Variants in TRPV3 observed in about 807,000 individuals in gnomAD.
The protein encoded by TRPV3 is VRL-3.
Under a neutral mutation model 87.1 loss-of-function variants are expected in TRPV3, and 88 were observed. The ratio of observed to expected loss-of-function variants is 1.01; its 90% confidence interval spans 0.85 to 1.21. TRPV3 has a LOEUF of 1.21. TRPV3 is among the 50% of genes most tolerant of loss of function. The pLI is 0.00. For missense variants in TRPV3, 1,054 were observed against 1,030.1 expected (o/e 1.02, Z -0.32); for synonymous variants, 438 against 423.3 (o/e 1.03, Z -0.43).
At chr17:3,522,303 G>A (rs1018325280) in intron 13 of TRPV3, among the ~76,000 whole-genome samples, 1 of 152,124 alleles carries the variant, frequency 6.6e-6, no homozygotes, top group Non-Finnish European at 1.5e-5. Flanking sequence ...TTGGCCCTGA[G>A]AGGAGAACAG....
At chr17:3,520,442 C>G (rs2074236013) in intron 14 of TRPV3, among the ~76,000 whole-genome samples, 1 of 152,184 alleles carries the variant, frequency 6.6e-6, no homozygotes, top group South Asian at 2.1e-4. Context: ...TTTCTGTGGA[C>G]TTTAGTTTCC....
rs952624810 is a variant in TRPV3 at position 3,544,560 on chromosome 17, G to C, written c.311+19C>G. On this transcript the variant is annotated intron_variant, in intron 4 of 17. Coordinates refer to ENST00000576742, the MANE Select transcript of TRPV3 (RefSeq NM_145068.4). The stretch of plus-strand genomic sequence containing the variant: ...AGCCTGGGTGGGCACAGTGGGTGGA[G>C]GGGGAGGGGCAGACTTACCTGGGGC... The C allele has an allele frequency of 3.9e-6, 6 of 1,535,712 alleles. No homozygotes were observed. In the African/African-American group the frequency reaches 8.2e-5, roughly 21 times the overall value.
At chr17:3,516,604 C>T in intron 15 of TRPV3, 35 bp from the exon 16 acceptor site, 1 of 1,508,038 alleles carries the variant, frequency 6.6e-7, no homozygotes, top group Non-Finnish European at 9.2e-7. Flanking sequence ...AGTAGGCATC[C>T]ACACTCACAA....
In TRPV3 at chr17:3,557,203, C is replaced by T. The variant is rs1035444175; in HGVS notation, c.-3+473G>A. On this transcript the variant is annotated intron_variant, in intron 1 of 17. Transcript: ENST00000576742. This position sits in a 1 kb window ranked among gnomAD's most constrained non-coding sequence, Gnocchi z 4.5. The stretch of plus-strand genomic sequence containing the variant: ...CCTGACACTGATTGAAATGGCCTTT[C>T]CCGGGCGACAGACCAGGCCGCGGAG... 6.6e-6 allele frequency among the ~76,000 whole-genome samples: 1 copy of T among 152,188 alleles called. No homozygotes were observed. Among genetic ancestry groups the T allele is most frequent in the East Asian group, 1.9e-4 (1 of 5,190 alleles).
chr17:3,537,892 T>TAAAA (rs1161250971), intron 6 of TRPV3, among the ~76,000 whole-genome samples: 7 of 101,504 alleles, frequency 6.9e-5, no homozygotes, highest in African/African-American at 4.0e-4. Context: ...TCTGTCTTTT[T>TAAAA]AAAAAAAAAA....
chr17:3,524,018 G>C lies in TRPV3; in HGVS notation c.1743+180C>G, dbSNP rs533582046. On this transcript the variant is annotated intron_variant, in intron 13 of 17. Coordinates refer to ENST00000576742, the MANE Select transcript of TRPV3 (RefSeq NM_145068.4). ...CCCTCCCCAGCACCCCACAAGCCTG[G>C]GGGATTTAAGGTCTTGACACTTAAA... Among the ~76,000 whole-genome samples, 4 of 152,238 alleles carry C rather than the reference G, an allele frequency of 2.6e-5. No homozygotes were observed. The East Asian group carries it at 5.8e-4, about 22-fold the overall frequency.
chr17:3,532,608 T>TACCTCCTG (rs781231000), intron 8 of TRPV3, 49 bp downstream of exon 8: 1 of 1,598,662 alleles, frequency 6.3e-7, no homozygotes, highest in South Asian at 1.1e-5. Context: ...GTGGCAGCTG[T>TACCTCCTG]ACCTCCTGAC....
intron 2 of TRPV3, among the ~76,000 whole-genome samples, chr17:3,546,205 G>A (rs1344749942): frequency 3.3e-5 from 5 of 152,058 alleles, no homozygotes; most frequent in Non-Finnish European, 7.4e-5. Context: ...ACTTTGGAAG[G>A]CCTAGGCGGG....
intron 15 of TRPV3, among the ~76,000 whole-genome samples, chr17:3,517,975 C>T (rs1209761805): frequency 1.3e-5 from 2 of 152,050 alleles, no homozygotes; most frequent in African/African-American, 4.8e-5. Flanking sequence ...CGTACTAACA[C>T]ACCTGGCTAG....
At chr17:3,537,870 A>G (rs1475642076) in intron 6 of TRPV3, among the ~76,000 whole-genome samples, 1 of 134,982 alleles carries the variant, frequency 7.4e-6, no homozygotes, top group African/African-American at 2.7e-5. Flanking sequence ...AGCCTGGGCT[A>G]GAGAGCAAGA....
At chr17:3,522,495 A>G (rs2074256287) in intron 13 of TRPV3, among the ~76,000 whole-genome samples, 3 of 152,170 alleles carry the variant, frequency 2.0e-5, no homozygotes, top group African/African-American at 7.2e-5. Context: ...TGCCTAATTG[A>G]TAAAATAAAT....
At chr17:3,529,904 TGG>T in intron 9 of TRPV3, 121 bp downstream of exon 9, 1 of 1,092,684 alleles carries the variant, frequency 9.2e-7, no homozygotes. Flanking sequence ...GGCAACAGAG[TGG>T]GGTATGCAGA....
At chr17:3,547,846 C>T (rs1442990063) in intron 2 of TRPV3, among the ~76,000 whole-genome samples, 1 of 152,164 alleles carries the variant, frequency 6.6e-6, no homozygotes, top group Non-Finnish European at 1.5e-5. Flanking sequence ...CTATAAGAAG[C>T]AAGACATACA....
At position 3,528,847 on chromosome 17, in the gene TRPV3, C is replaced by T. The variant is rs769146512; in HGVS notation, c.1391G>A (p.Arg464Gln). 31 of 1,614,056 alleles carry T rather than the reference C, an allele frequency of 1.9e-5. No individual in the cohort carries two copies. Among genetic ancestry groups the T allele is most frequent in the Non-Finnish European group, 2.4e-5 (28 of 1,180,016 alleles). The change falls in exon 10 of 18, where the codon CGG becomes CAG. Residue 464 changes from arginine (R) to glutamine (Q), a missense_variant. Coordinates refer to ENST00000576742, the MANE Select transcript of TRPV3 (RefSeq NM_145068.4). The surrounding 1 kb of genome is among the most constrained non-coding windows in gnomAD (Gnocchi z 4.2). ...AAGGGGCCCACGTACCTCCTCCTCC[C>T]GGGGGCGGTAGTACGAGACGAGGGT... The part of the protein sequence containing the change: ...TLTLVSYYRP[R>Q]EEEAIPHPLA...
At chr17:3,521,464 G>A (rs1391262065) in intron 13 of TRPV3, among the ~76,000 whole-genome samples, 2 of 152,154 alleles carry the variant, frequency 1.3e-5, no homozygotes, top group African/African-American at 4.8e-5. Context: ...AAGTTCTGGG[G>A]ATCTAATGGA....
intron 11 of TRPV3, 49 bp from the exon 12 acceptor site, chr17:3,526,976 C>CTCCCCCGCTG: frequency 6.6e-7 from 1 of 1,504,248 alleles, no homozygotes; most frequent in Non-Finnish European, 9.1e-7. Context: ...TGGCCCTCAG[C>CTCCCCCGCTG]AGGGGAGCTG....
Position 3,530,811 on chromosome 17 carries a change from T to G in TRPV3, c.1066-608A>C, listed in dbSNP as rs2150790415. ...TAGCTCACGCCTGTAATCCCAGCAC[T>G]TTGGGAGGCCGAGGCGGGTGGATCA... On this transcript the variant is annotated intron_variant, in intron 8 of 17. Transcript: ENST00000576742. This position sits in a 1 kb window ranked among gnomAD's most constrained non-coding sequence, Gnocchi z 4.0. Among the ~76,000 whole-genome samples, 1 of 152,164 alleles carries G rather than the reference T, an allele frequency of 6.6e-6. No individual in the cohort carries two copies. The highest frequency in any genetic ancestry group is 1.5e-5 in the Non-Finnish European group (1 of 68,004).
rs142326624 is a variant in TRPV3, at chr17:3,532,764, T to C, written c.958A>G (p.Met320Val). ...FKTQNDFVKR[M>V]YDMILLRSGN... ...CTCCGCAGTAGGATCATGTCGTACA[T>C]GCGCTTCACAAAGTCATTCTGCGTC... The change falls in exon 8 of 18, where the codon ATG (methionine) becomes GTG (valine). Residue 320 changes from methionine (M) to valine (V), a missense_variant. Coordinates refer to ENST00000576742, the MANE Select transcript of TRPV3 (RefSeq NM_145068.4). 2.0e-3 allele frequency: 3,197 copies of C among 1,614,264 alleles called. 4 individuals carry two copies. Among genetic ancestry groups the C allele is most frequent in the Non-Finnish European group, 2.5e-3 (2,910 of 1,180,046 alleles).
Position 3,518,952 on chromosome 17 carries a change from C to A in TRPV3, c.1811-102G>T. The A allele has an allele frequency of 1.5e-6, 2 of 1,294,644 alleles. No individual in the cohort carries two copies. The highest frequency in any genetic ancestry group is 2.4e-5 in the East Asian group (1 of 41,182). The allele number at this position is 1,294,644 out of a possible 1,614,324, so 80.2% of individuals were successfully genotyped here. The stretch of plus-strand genomic sequence containing the variant: ...CATGACAAGCCTGCTGCCTCCTTCT[C>A]TCTGGCCATTAAATCCCATCTCCAG... On this transcript the variant is annotated intron_variant, in intron 14 of 17. Transcript: ENST00000576742. The surrounding 1 kb of genome is among the most constrained non-coding windows in gnomAD (Gnocchi z 4.3).
Sources: gnomAD v4.1 joint callset for allele counts (sites outside exome capture counted in the v4.1 genomes callset) on GRCh38, gnomAD v4.1.1 for gene constraint, Gnocchi (gnomAD v3.1) non-coding constraint, MANE v1.5 for transcripts, NCBI Gene and HGNC (gene_info 2026-07-23, HGNC 2026-07-21) for gene names.